Variants in CTNNA2 observed in about 807,000 individuals in gnomAD.
CTNNA2 encodes catenin alpha-2.
A neutral mutation model predicts 101.0 loss-of-function variants in CTNNA2; 42 were observed. The ratio of observed to expected loss-of-function variants is 0.42; its 90% CI spans 0.32 to 0.54. The LOEUF (loss-of-function observed/expected upper bound fraction) is 0.54, where lower values mean the gene tolerates loss of function less well. Ranked by LOEUF, CTNNA2 falls within the 20% of genes least tolerant of loss-of-function variation. The pLI, the probability that CTNNA2 is intolerant of heterozygous loss-of-function variation, is 0.14. For missense variants in CTNNA2, 871 were observed against 1,223.1 expected, an observed-to-expected ratio of 0.71 and a Z score of 4.29; for synonymous variants, 450 against 456.4, an observed-to-expected ratio of 0.99 and a Z score of 0.18.
chr2:79,424,535 C>T (rs1678573179), intron 4 of CTNNA2, among the ~76,000 whole-genome samples: 1 of 152,056 alleles, frequency 6.6e-6, no homozygotes, highest in Non-Finnish European at 1.5e-5. Context: ...CAAAAGCTAC[C>T]TTATACCTCT....
At chr2:79,580,300 T>C (rs1280330796) in intron 1 of CTNNA2, among the ~76,000 whole-genome samples, 1 of 152,066 alleles carries the variant, frequency 6.6e-6, no homozygotes, top group Non-Finnish European at 1.5e-5. Flanking sequence ...ATCACAAAGA[T>C]CTGATGTGAA....
chr2:79,191,971 C>T (rs1673880249), intron 1 of CTNNA2, among the ~76,000 whole-genome samples: 1 of 152,142 alleles, frequency 6.6e-6, no homozygotes, highest in Non-Finnish European at 1.5e-5. Context: ...TGGTCACTTA[C>T]CAGGAAGGAA....
intron 3 of CTNNA2, among the ~76,000 whole-genome samples, chr2:79,766,318 T>G (rs751210522): frequency 1.3e-5 from 2 of 152,210 alleles, no homozygotes; most frequent in Non-Finnish European, 2.9e-5. Flanking sequence ...AGGTAAAAGT[T>G]TTTTTCCTTC....
At chr2:80,598,806 T>C (rs1229226446) in intron 15 of CTNNA2, among the ~76,000 whole-genome samples, 3 of 152,204 alleles carry the variant, frequency 2.0e-5, no homozygotes, top group Non-Finnish European at 1.5e-5. Context: ...TCCATTTGGA[T>C]GGCATTCCTG....
chr2:79,635,886 G>C lies in CTNNA2; in HGVS notation c.-5-15666G>C, dbSNP rs551424082. Among the ~76,000 whole-genome samples, 5 of 151,994 alleles carry C rather than the reference G, an allele frequency of 3.3e-5. No individual in the cohort carries two copies. The South Asian group carries it at 1.0e-3, about 32-fold the overall frequency. Reference sequence around the variant, plus strand: ...GAAAGATGAGTTCACTTTTAAGCCTGTTCATTTTGAAGTGCTTGGAAACCT... The same window carrying C: ...GAAAGATGAGTTCACTTTTAAGCCTCTTCATTTTGAAGTGCTTGGAAACCT... On this transcript the variant is annotated intron_variant, in intron 1 of 18. Coordinates refer to ENST00000402739, the MANE Select transcript of CTNNA2 (RefSeq NM_001282597.3).
chr2:79,475,817 G>T (rs1003334919), intron 4 of CTNNA2, among the ~76,000 whole-genome samples: 9 of 151,930 alleles, frequency 5.9e-5, no homozygotes, highest in African/African-American at 2.2e-4. Flanking sequence ...TACTCTGTTT[G>T]TCTATTATGC....
chr2:79,220,728 T>G (rs1185491616), intron 2 of CTNNA2, among the ~76,000 whole-genome samples: 1 of 150,972 alleles, frequency 6.6e-6, no homozygotes, highest in East Asian at 1.9e-4. Context: ...TGAAAAAAAG[T>G]ATCCACCCTC....
At chr2:80,076,235 T>C (rs1157675739) in intron 7 of CTNNA2, among the ~76,000 whole-genome samples, 1 of 151,954 alleles carries the variant, frequency 6.6e-6, no homozygotes, top group Non-Finnish European at 1.5e-5. Flanking sequence ...GCATAGGTTT[T>C]GGGTTTCTCA....
At chr2:80,601,413 C>CTTTTTTTT in intron 15 of CTNNA2, among the ~76,000 whole-genome samples, 1 of 61,854 alleles carries the variant, frequency 1.6e-5, no homozygotes, top group Non-Finnish European at 3.6e-5. Context: ...TTTTTTCTTT[C>CTTTTTTTT]TTTCTTTCTT....
chr2:79,704,008 G>A (rs1685179914), intron 2 of CTNNA2, among the ~76,000 whole-genome samples: 1 of 151,700 alleles, frequency 6.6e-6, no homozygotes, highest in African/African-American at 2.4e-5. Context: ...CTAGAAAGTT[G>A]GCATATATAT....
chr2:79,466,910 A>C (rs948413256), intron 4 of CTNNA2, among the ~76,000 whole-genome samples: 15 of 152,214 alleles, frequency 9.9e-5, no homozygotes, highest in African/African-American at 3.6e-4. Context: ...AGGTAGATAA[A>C]ACCACAAAGA....
At chr2:80,580,184 T>C (rs1349892605) in intron 13 of CTNNA2, among the ~76,000 whole-genome samples, 4 of 152,226 alleles carry the variant, frequency 2.6e-5, no homozygotes, top group African/African-American at 4.8e-5. Context: ...GAAACCTGCG[T>C]GAGTTAGTGC....
chr2:79,343,420 A>G lies in CTNNA2; in HGVS notation c.-317-30411A>G, dbSNP rs1294173940. Among the ~76,000 whole-genome samples the G allele has an allele frequency of 2.6e-5, 4 of 152,334 alleles. No homozygotes were observed. The East Asian group carries it at 7.7e-4, about 29-fold the overall frequency. ...AATTCTGTAGGCTAGACTGCATTCT[A>G]GAAGAACTGACCTATACTCAGAAAC... On this transcript the variant is annotated intron_variant, in intron 3 of 21. Coordinates refer to the CTNNA2 transcript ENST00000466387.
chr2:79,240,422 T>C (rs1674612186), intron 2 of CTNNA2, among the ~76,000 whole-genome samples: 2 of 152,084 alleles, frequency 1.3e-5, no homozygotes, highest in African/African-American at 4.8e-5. Context: ...CTTCTTTGCG[T>C]TCATGTGTAC....
At position 80,609,314 on chromosome 2, in the gene CTNNA2, A is replaced by C. The variant is rs189445688; in HGVS notation, c.2430+996A>C. 4.3e-3 allele frequency among the ~76,000 whole-genome samples: 654 copies of C among 151,902 alleles called. 3 individuals are homozygous for C. The highest frequency in any genetic ancestry group is 6.8e-3 in the Middle Eastern group (2 of 294). On this transcript the variant is annotated intron_variant, in intron 17 of 18. Coordinates refer to ENST00000402739, the MANE Select transcript of CTNNA2 (RefSeq NM_001282597.3). ...AAAACACGTGAACAAATCATTCTTG[A>C]ACCCAACTGTTTTTGTTCCCATATT...
At chr2:80,356,256 A>G (rs972021898) in intron 7 of CTNNA2, among the ~76,000 whole-genome samples, 2 of 152,170 alleles carry the variant, frequency 1.3e-5, no homozygotes, top group Non-Finnish European at 2.9e-5. Flanking sequence ...TCACATTGGC[A>G]CAAAGGTGAC....
chr2:80,555,121 G>A (rs554566505), intron 11 of CTNNA2, among the ~76,000 whole-genome samples: 3 of 150,498 alleles, frequency 2.0e-5, no homozygotes, highest in South Asian at 2.1e-4. Flanking sequence ...TGCATATACC[G>A]TGTGCATGAC....
At chr2:80,589,554 A>AC in intron 15 of CTNNA2, 69 bp downstream of exon 15, 1 of 1,447,632 alleles carries the variant, frequency 6.9e-7, no homozygotes, top group Non-Finnish European at 9.3e-7. Context: ...GTGTATTAGC[A>AC]TGTGAAAGCC....
intron 18 of CTNNA2, among the ~76,000 whole-genome samples, chr2:80,622,222 T>A (rs1262583020): frequency 6.6e-6 from 1 of 151,824 alleles, no homozygotes; most frequent in Non-Finnish European, 1.5e-5. Context: ...TATAAAGATA[T>A]AATCAGGCAG....
Sources: allele counts gnomAD v4.1 joint callset (sites outside exome capture counted in the v4.1 genomes callset), GRCh38; gene constraint gnomAD v4.1.1; transcripts MANE v1.5; gene names NCBI Gene and HGNC (gene_info 2026-07-23, HGNC 2026-07-21).